Variants in ABCC3 observed in about 807,000 individuals in gnomAD.
ABCC3 encodes the protein ATP-binding cassette sub-family C member 3.
In ABCC3, 121 loss-of-function variants were observed where a neutral mutation model predicts 165.3. The ratio of observed to expected loss-of-function variants is 0.73; its 90% CI spans 0.63 to 0.85. ABCC3 has a LOEUF of 0.85. Ranked by LOEUF, ABCC3 falls within the 40% of genes least tolerant of loss-of-function variation. The pLI is 0.00. For synonymous variants in ABCC3, 733 were observed against 810.1 expected, an observed-to-expected ratio of 0.90 and a Z score of 1.62; for missense variants, 1,869 against 1,964.1, an observed-to-expected ratio of 0.95 and a Z score of 0.92.
intron 1 of ABCC3, among the ~76,000 whole-genome samples, chr17:50,636,750 C>T (rs2054184452): frequency 6.6e-6 from 1 of 152,240 alleles, no homozygotes. Context: ...TCCTGGACCC[C>T]AGAGTTGGGA....
At chr17:50,667,341 G>C (rs570788216) in intron 11 of ABCC3, among the ~76,000 whole-genome samples, 37 of 152,132 alleles carry the variant, frequency 2.4e-4, no homozygotes, top group Non-Finnish European at 4.9e-4. Flanking sequence ...ACTGAGGGTG[G>C]AGATGGATCT....
intron 1 of ABCC3, among the ~76,000 whole-genome samples, chr17:50,645,889 A>G (rs1297073566): frequency 2.0e-5 from 3 of 152,208 alleles, no homozygotes; most frequent in African/African-American, 7.2e-5. Flanking sequence ...CTGGTCTTCA[A>G]TAAATATTTG....
intron 2 of ABCC3, among the ~76,000 whole-genome samples, chr17:50,656,312 T>C (rs1967245486): frequency 6.6e-6 from 1 of 152,200 alleles, no homozygotes; most frequent in Non-Finnish European, 1.5e-5. Context: ...CTCCAACTCC[T>C]GACCTCAGGT....
intron 30 of ABCC3, chr17:50,688,336 G>C (rs1314817729): frequency 6.6e-6 from 1 of 152,452 alleles, no homozygotes; most frequent in African/African-American, 2.4e-5. Flanking sequence ...GAGGCTTCAT[G>C]CTGAGTCCCA....
intron 25 of ABCC3, 73 bp downstream of exon 25, chr17:50,678,292 C>T (rs1424226086): frequency 1.1e-5 from 16 of 1,469,032 alleles, no homozygotes; most frequent in South Asian, 1.5e-5. Context: ...AGGCATCTCC[C>T]GAGTGCCCCT....
At chr17:50,655,195 C>A (rs907043230) in intron 1 of ABCC3, among the ~76,000 whole-genome samples, 1 of 149,922 alleles carries the variant, frequency 6.7e-6, no homozygotes, top group African/African-American at 2.5e-5. Flanking sequence ...ATCACGAGGT[C>A]AAGAGATCGA....
At chr17:50,678,331 G>A (rs1295454485) in intron 25 of ABCC3, 112 bp downstream of exon 25, 2 of 1,226,760 alleles carry the variant, frequency 1.6e-6, no homozygotes, top group African/African-American at 1.5e-5. Flanking sequence ...CCAGCCACAG[G>A]GTCTGTTCTC....
chr17:50,673,410 C>A, intron 18 of ABCC3, 59 bp from the exon 19 acceptor site: 1 of 1,575,046 alleles, frequency 6.3e-7, no homozygotes, highest in South Asian at 1.2e-5. Context: ...TGGCTCCGTG[C>A]CTGTGCCAGG....
intron 23 of ABCC3, 105 bp from the exon 24 acceptor site, chr17:50,677,639 A>G: frequency 1.7e-6 from 2 of 1,152,710 alleles, no homozygotes; most frequent in Non-Finnish European, 2.5e-6. Flanking sequence ...GGTGGGAGTG[A>G]GGCTGGCTGG....
chr17:50,639,304 G>C (rs968459593), intron 1 of ABCC3, among the ~76,000 whole-genome samples: 1 of 152,136 alleles, frequency 6.6e-6, no homozygotes, highest in African/African-American at 2.4e-5. Context: ...CATTGCTTGT[G>C]GCCTCAGGCT....
chr17:50,680,037 G>T, intron 26 of ABCC3, 138 bp downstream of exon 26: 1 of 653,838 alleles, frequency 1.5e-6, no homozygotes, highest in Non-Finnish European at 2.7e-6. Context: ...TCCTTACTGA[G>T]CATCAACCAA....
rs1423802491 is a variant in ABCC3, at chr17:50,684,085, C to G, written c.4091C>G (p.Ser1364Cys). The change falls in exon 28 of 31, where the codon TCT (serine) becomes TGT (cysteine). Residue 1364 changes from serine to cysteine, a missense_variant. By Grantham distance (112) the Ser-to-Cys change is moderately radical. Coordinates refer to ENST00000285238, the MANE Select transcript of ABCC3 (RefSeq NM_003786.4). ...GACATCGGCCTCCATGACCTGCGCT[C>G]TCAGCTGACCATCATCCCGCAGGTA... is the stretch of plus-strand genomic sequence containing the variant. ...VADIGLHDLR[S>C]QLTIIPQDPI... 1.9e-6 allele frequency: 3 copies of G among 1,613,210 alleles called. No homozygotes were observed. In the African/African-American group the frequency reaches 4.0e-5, roughly 22 times the overall value.
At chr17:50,679,655 TG>T in intron 25 of ABCC3, 142 bp from the exon 26 acceptor site, 2 of 685,674 alleles carry the variant, frequency 2.9e-6, no homozygotes, top group South Asian at 1.8e-5. Flanking sequence ...GGCATGCCTG[TG>T]GGCTTGATCC....
At chr17:50,682,171 C>T (rs1025563303) in intron 26 of ABCC3, among the ~76,000 whole-genome samples, 10 of 151,952 alleles carry the variant, frequency 6.6e-5, no homozygotes, top group Non-Finnish European at 1.2e-4. Flanking sequence ...AAGAACTGCG[C>T]GTTTAGAGTA....
chr17:50,685,108 G>T (rs1400103324), intron 29 of ABCC3, among the ~76,000 whole-genome samples: 1 of 152,202 alleles, frequency 6.6e-6, no homozygotes, highest in African/African-American at 2.4e-5. Context: ...AGGGAACTGA[G>T]GCTCAGAGAT....
chr17:50,646,517 G>A (rs922008586), intron 1 of ABCC3, among the ~76,000 whole-genome samples: 7 of 152,226 alleles, frequency 4.6e-5, no homozygotes, highest in African/African-American at 1.7e-4. Flanking sequence ...CATCATATGA[G>A]ACTGCATGGG....
chr17:50,673,321 G>T, intron 18 of ABCC3, 148 bp from the exon 19 acceptor site: 1 of 1,242,548 alleles, frequency 8.0e-7, no homozygotes, highest in Non-Finnish European at 1.1e-6. Flanking sequence ...TTCTGAGCAG[G>T]CTGTGGCGAG....
At chr17:50,656,034 G>A (rs542280791) in intron 2 of ABCC3, 26 bp downstream of exon 2, 58 of 1,603,308 alleles carry the variant, frequency 3.6e-5, no homozygotes, top group South Asian at 1.4e-4. Context: ...ATCTCCTACC[G>A]ATGGGGCTGG....
At chr17:50,642,816 C>A (rs1966917288) in intron 1 of ABCC3, among the ~76,000 whole-genome samples, 1 of 152,234 alleles carries the variant, frequency 6.6e-6, no homozygotes, top group African/African-American at 2.4e-5. Flanking sequence ...GTCCCCACGC[C>A]TGGGCTCCTG....
Sources: gnomAD v4.1 joint callset for allele counts (sites outside exome capture counted in the v4.1 genomes callset) on GRCh38, gnomAD v4.1.1 for gene constraint, MANE v1.5 for transcripts, NCBI Gene and HGNC (gene_info 2026-07-23, HGNC 2026-07-21) for gene names.